The following ASMT variants were observed in gnomAD, a reference collection of about 807,000 sequenced individuals.
ASMT encodes acetylserotonin N-methyltransferase.
Under a neutral mutation model 41.3 loss-of-function variants are expected in ASMT, and 53 were observed. The ratio of observed to expected loss-of-function variants is 1.28; its 90% confidence interval spans 1.03 to 1.61. The LOEUF (loss-of-function observed/expected upper bound fraction) is 1.61, where lower values mean the gene tolerates loss of function less well. ASMT is among the 40% of genes most tolerant of loss of function. The pLI is 0.00. For synonymous variants in ASMT, 231 were observed against 184.8 expected, an observed-to-expected ratio of 1.25 and a Z score of -2.03; for missense variants, 531 against 441.3, an observed-to-expected ratio of 1.20 and a Z score of -1.82.
At chrX:1,623,845 C>T (rs1934425083) in intron 2 of ASMT, among the ~76,000 whole-genome samples, 2 of 151,918 alleles carry the variant, frequency 1.3e-5, no homozygotes, top group Non-Finnish European at 2.9e-5. Flanking sequence ...GACAGGATTT[C>T]GTCACGTTGG....
rs1175919690 is a variant in ASMT at position 1,640,600 on chromosome X, G to A, written c.911-2203G>A. 3.4e-4 allele frequency among the ~76,000 whole-genome samples: 12 copies of A among 34,824 alleles called. 1 individual carries two copies. Among genetic ancestry groups the A allele is most frequent in the South Asian group, 1.3e-3 (1 of 778 alleles). The allele number at this position is 34,824 out of a possible 152,430, so 22.8% of individuals were successfully genotyped here. ...CATCCTGATGGCACATGAGGATGTG[G>A]GCACAGCCTCTGTGTGTGAGATAGG... is the stretch of plus-strand genomic sequence containing the variant. On this transcript the variant is annotated intron_variant, in intron 8 of 8. Transcript: ENST00000381241.
At chrX:1,631,991 G>C (rs1253581179) in intron 5 of ASMT, among the ~76,000 whole-genome samples, 2 of 152,164 alleles carry the variant, frequency 1.3e-5, no homozygotes, top group Non-Finnish European at 2.9e-5. Flanking sequence ...GAAGGTTGCA[G>C]TGAGCTGAGA....
chrX:1,621,296 G>T (rs1394826693), intron 1 of ASMT, among the ~76,000 whole-genome samples: 3 of 152,064 alleles, frequency 2.0e-5, no homozygotes, highest in African/African-American at 7.2e-5. Flanking sequence ...TGCAAGAAAA[G>T]AAATGCATGG....
chrX:1,632,511 T>C (rs1177424653), intron 5 of ASMT, among the ~76,000 whole-genome samples, 193 bp from the exon 6 acceptor site: 2 of 151,842 alleles, frequency 1.3e-5, no homozygotes, highest in East Asian at 1.9e-4. Context: ...AAAAATTAGC[T>C]GGGCGTGGTG....
intron 3 of ASMT, among the ~76,000 whole-genome samples, chrX:1,626,201 A>G (rs1934543466): frequency 6.6e-6 from 1 of 151,376 alleles, no homozygotes; most frequent in Non-Finnish European, 1.5e-5. Context: ...TATGGTAAAG[A>G]GAACATGTTT....
Position 1,637,149 on chromosome X carries a change from G to A in ASMT, c.910+589G>A, listed in dbSNP as rs868639320. On this transcript the variant is annotated intron_variant, in intron 8 of 8. Coordinates refer to ENST00000381241, the MANE Select transcript of ASMT (RefSeq NM_001171038.2). ...ATCCTGATGCTTCACGAGGACGTGG[G>A]CACAGCCTCTGTGTATGATGGGGAC... Among the ~76,000 whole-genome samples the A allele has an allele frequency of 1.8e-3, 154 of 85,020 alleles. 2 individuals are homozygous for A. Among genetic ancestry groups the A allele is most frequent in the Middle Eastern group, 5.9e-3 (1 of 170 alleles). 55.8% of individuals were successfully genotyped at this position (85,020 alleles called of 152,430 possible). A position where few individuals can be genotyped will look rare whatever the true frequency, so the allele number is the denominator to read the frequency against.
chrX:1,617,942 G>T (rs1246110887), intron 1 of ASMT, among the ~76,000 whole-genome samples: 2 of 152,108 alleles, frequency 1.3e-5, no homozygotes, highest in African/African-American at 4.8e-5. Flanking sequence ...TTAGGAAGAG[G>T]TAGTGAAAAT....
intron 8 of ASMT, 131 bp from the exon 9 acceptor site, chrX:1,642,672 C>A: frequency 1.2e-6 from 1 of 820,008 alleles, no homozygotes; most frequent in Non-Finnish European, 2.1e-6. Context: ...TGGGCACAGC[C>A]TCTGAGTGTG....
At position 1,616,732 on chromosome X, in the gene ASMT, A is replaced by G. The variant is rs777678602; in HGVS notation, c.69+1464A>G. On this transcript the variant is annotated intron_variant, in intron 1 of 8. Transcript: ENST00000381241. ...ACAAATTCTTTTTTCTTTTTGAGAC[A>G]GAGTCTCGCTCTGTCGCCCAGGCTG... is the stretch of plus-strand genomic sequence containing the variant. Among the ~76,000 whole-genome samples the G allele has an allele frequency of 8.2e-4, 119 of 144,784 alleles. 5 individuals carry two copies. The highest frequency in any genetic ancestry group is 3.4e-3 in the Middle Eastern group (1 of 292). 95.0% of individuals were successfully genotyped at this position (144,784 alleles called of 152,430 possible). A position where few individuals can be genotyped will look rare whatever the true frequency, so the allele number is the denominator to read the frequency against.
chrX:1,637,068 A>T (rs1935011435), intron 8 of ASMT, among the ~76,000 whole-genome samples: 1 of 101,962 alleles, frequency 9.8e-6, no homozygotes, highest in Admixed American at 9.5e-5. Flanking sequence ...GGATGTGGGC[A>T]CAGCCTCTGT....
At chrX:1,616,185 C>T (rs1180581569) in intron 1 of ASMT, among the ~76,000 whole-genome samples, 167 of 138,010 alleles carry the variant, frequency 1.2e-3, no homozygotes, top group Middle Eastern at 3.8e-3. Flanking sequence ...CCCACCACCA[C>T]GCCCGGCTAA....
intron 3 of ASMT, 84 bp from the exon 4 acceptor site, chrX:1,627,619 G>A (rs1288611266): frequency 7.7e-7 from 1 of 1,291,074 alleles, no homozygotes; most frequent in East Asian, 2.4e-5. Flanking sequence ...GAAATGAAAT[G>A]AAACGAAATG....
At chrX:1,624,151 A>C in intron 2 of ASMT, 118 bp from the exon 3 acceptor site, 1 of 1,349,570 alleles carries the variant, frequency 7.4e-7, no homozygotes, top group Non-Finnish European at 1.1e-6. Flanking sequence ...CCCCATCTCT[A>C]AAGAAGAGAT....
chrX:1,636,328 A>G (rs1281995126), intron 7 of ASMT, 110 bp from the exon 8 acceptor site: 4 of 1,504,478 alleles, frequency 2.7e-6, no homozygotes, highest in Non-Finnish European at 3.7e-6. Context: ...CTAGCCTGGA[A>G]GACCTGGGAA....
chrX:1,624,369 G>A lies in ASMT; in HGVS notation c.345G>A (p.Arg115=), dbSNP rs748057718. 1 of 1,613,786 alleles carries A rather than the reference G, an allele frequency of 6.2e-7. No homozygotes were observed. Among genetic ancestry groups the A allele is most frequent in the Non-Finnish European group, 8.5e-7 (1 of 1,179,874 alleles). ...MLKYMGRTSY[R]CWGHLADAVR... ...AGTACATGGGCAGGACCAGCTACCG[G>A]TGCTGGGGCCACCTGGCAGACGCCG... The change falls in exon 3 of 9, where the codon CGG becomes CGA. Residue 115 remains arginine, a synonymous_variant. Coordinates refer to ENST00000381241, the MANE Select transcript of ASMT (RefSeq NM_001171038.2).
At chrX:1,628,502 C>A (rs1460259414) in intron 4 of ASMT, among the ~76,000 whole-genome samples, 1 of 151,992 alleles carries the variant, frequency 6.6e-6, no homozygotes, top group Non-Finnish European at 1.5e-5. Flanking sequence ...GTCCAGTGTT[C>A]CAGCTGGCTG....
Position 1,616,323 on chromosome X carries a change from G to A in ASMT, c.69+1055G>A, listed in dbSNP as rs778525274. On this transcript the variant is annotated intron_variant, in intron 1 of 8. Coordinates refer to ENST00000381241, the MANE Select transcript of ASMT (RefSeq NM_001171038.2). ...TTTCTTCTTCTCACAGAATAACATC[G>A]TGCTCAGTGAAGGAAGGCTGACGTG... Among the ~76,000 whole-genome samples the A allele has an allele frequency of 4.6e-5, 7 of 151,460 alleles. No homozygotes were observed. The East Asian group carries it at 5.8e-4, about 13-fold the overall frequency.
Position 1,636,919 on chromosome X carries a change from G to C in ASMT, c.910+359G>C, listed in dbSNP as rs5949029. 3.4e-5 allele frequency among the ~76,000 whole-genome samples: 4 copies of C among 117,726 alleles called. No homozygotes were observed. The South Asian group carries it at 1.0e-3, about 31-fold the overall frequency. 77.2% of individuals were successfully genotyped at this position (117,726 alleles called of 152,430 possible). ...GAGGATGTGGGCACAGCCTCTGTGTGTGATGGGGACAGTGTCCCAGCTCTC... is the reference window on the plus strand; with the variant it reads ...GAGGATGTGGGCACAGCCTCTGTGTCTGATGGGGACAGTGTCCCAGCTCTC... On this transcript the variant is annotated intron_variant, in intron 8 of 8. Transcript: ENST00000381241.
intron 5 of ASMT, among the ~76,000 whole-genome samples, chrX:1,630,595 C>T (rs1220819108): frequency 2.6e-5 from 4 of 151,996 alleles, no homozygotes; most frequent in East Asian, 1.9e-4. Context: ...TCCTGTTTGT[C>T]ACCCAGGCTC....
Sources: gnomAD v4.1 joint callset for allele counts (sites outside exome capture counted in the v4.1 genomes callset) on GRCh38, gnomAD v4.1.1 for gene constraint, MANE v1.5 for transcripts, NCBI Gene and HGNC (gene_info 2026-07-23, HGNC 2026-07-21) for gene names.